SDK1: variants seen among roughly 807,000 people sequenced by gnomAD.
SDK1 encodes sidekick cell adhesion molecule 1.
SDK1 carries 157 observed loss-of-function variants against 245.5 expected under a neutral mutation model. That is an observed-to-expected ratio of 0.64 (90% CI 0.56 to 0.73). The LOEUF (loss-of-function observed/expected upper bound fraction) is 0.73, where lower values mean the gene tolerates loss of function less well. Among genes scored for constraint, SDK1 ranks in the 30% least tolerant of loss-of-function variants. SDK1 has a pLI of 0.00. For synonymous variants in SDK1, 1,647 were observed against 1,278.5 expected (o/e 1.29, Z -6.15); for missense variants, 3,583 against 3,002.3 (o/e 1.19, Z -4.52).
chr7:3,488,645 A>G (rs1398933190), intron 1 of SDK1, among the ~76,000 whole-genome samples: 1 of 152,226 alleles, frequency 6.6e-6, no homozygotes, highest in Non-Finnish European at 1.5e-5. Context: ...CAGGTAATGA[A>G]AAACCAACTG....
chr7:3,394,002 T>C (rs1168114218), intron 1 of SDK1, among the ~76,000 whole-genome samples: 1 of 152,144 alleles, frequency 6.6e-6, no homozygotes, highest in Non-Finnish European at 1.5e-5. Flanking sequence ...TTTCCAGATA[T>C]TCAAAAGGAG....
chr7:3,494,443 A>C (rs1781959380), intron 1 of SDK1, among the ~76,000 whole-genome samples: 1 of 152,340 alleles, frequency 6.6e-6, no homozygotes, highest in East Asian at 1.9e-4. Context: ...AAGGGTATCA[A>C]CATTATGGGA....
intron 12 of SDK1, among the ~76,000 whole-genome samples, chr7:3,973,909 C>T (rs563260322): frequency 8.5e-5 from 13 of 152,048 alleles, no homozygotes; most frequent in African/African-American, 2.2e-4. Context: ...AGGCCAAGTG[C>T]GGTGACTCAG....
At chr7:3,975,328 G>T (rs953100321) in intron 13 of SDK1, among the ~76,000 whole-genome samples, 2 of 152,114 alleles carry the variant, frequency 1.3e-5, no homozygotes, top group Non-Finnish European at 2.9e-5. Flanking sequence ...CAAGGCAGTG[G>T]CCAGCTCCAG....
At chr7:3,584,050 G>C (rs1780603573) in intron 1 of SDK1, among the ~76,000 whole-genome samples, 1 of 152,174 alleles carries the variant, frequency 6.6e-6, no homozygotes, top group Non-Finnish European at 1.5e-5. Context: ...AGGGAGAAGT[G>C]TTTGAAGTTT....
At chr7:3,458,018 G>T (rs1454140344) in intron 1 of SDK1, among the ~76,000 whole-genome samples, 2 of 152,136 alleles carry the variant, frequency 1.3e-5, no homozygotes, top group African/African-American at 4.8e-5. Flanking sequence ...ATTGCCCTTT[G>T]CCTTATAGCC....
chr7:3,743,993 C>A (rs1779547019), intron 4 of SDK1, among the ~76,000 whole-genome samples: 1 of 152,160 alleles, frequency 6.6e-6, no homozygotes, highest in Non-Finnish European at 1.5e-5. Flanking sequence ...TAATCAACAG[C>A]TTGACTCACA....
At chr7:3,514,058 T>C (rs530094851) in intron 1 of SDK1, among the ~76,000 whole-genome samples, 16 of 152,296 alleles carry the variant, frequency 1.1e-4, no homozygotes, top group Admixed American at 8.5e-4. Context: ...GTTGATTCCA[T>C]GTCTGTACTG....
chr7:3,853,025 T>C (rs1780457022), intron 5 of SDK1, among the ~76,000 whole-genome samples: 1 of 151,986 alleles, frequency 6.6e-6, no homozygotes, highest in Admixed American at 6.6e-5. Context: ...TCAGTGTATA[T>C]AGTCATCCCT....
chr7:4,160,061 C>CA (rs1476864345), intron 31 of SDK1, among the ~76,000 whole-genome samples: 1 of 152,150 alleles, frequency 6.6e-6, no homozygotes, highest in Non-Finnish European at 1.5e-5. Flanking sequence ...AACCTGGAGG[C>CA]AAAAGCTACT....
chr7:4,251,037 G>A (rs904049353), intron 44 of SDK1, among the ~76,000 whole-genome samples: 1 of 152,132 alleles, frequency 6.6e-6, no homozygotes, highest in African/African-American at 2.4e-5. Context: ...GCAATATGTG[G>A]TTTTGTGATT....
chr7:3,542,709 C>A (rs906492822), intron 1 of SDK1, among the ~76,000 whole-genome samples: 3 of 152,116 alleles, frequency 2.0e-5, no homozygotes, highest in Admixed American at 6.5e-5. Context: ...TCTCTTTAAA[C>A]CTCTCTTAGA....
intron 22 of SDK1, among the ~76,000 whole-genome samples, chr7:4,086,859 A>C (rs1028035149): frequency 8.5e-5 from 13 of 152,082 alleles, no homozygotes; most frequent in Admixed American, 2.6e-4. Context: ...CCTTTTGCAT[A>C]GTCATTTTGT....
intron 34 of SDK1, among the ~76,000 whole-genome samples, chr7:4,178,193 G>A (rs956752080): frequency 7.2e-5 from 11 of 152,300 alleles, no homozygotes; most frequent in African/African-American, 2.6e-4. Flanking sequence ...CAGGGGTTGG[G>A]GACCCCTGTT....
At chr7:3,801,235 C>G (rs1779099058) in intron 4 of SDK1, among the ~76,000 whole-genome samples, 1 of 152,150 alleles carries the variant, frequency 6.6e-6, no homozygotes, top group South Asian at 2.1e-4. Flanking sequence ...TGTAATATTT[C>G]ATCAATATAA....
Position 4,145,784 on chromosome 7 carries a change from G to A in SDK1, c.4291G>A (p.Gly1431Ser), listed in dbSNP as rs773364962. ...CCACACCTTCACCACCGTGGAGGTC[G>A]GCGCCACAGTGAGGCAGTTCACAGC... is the stretch of plus-strand genomic sequence containing the variant. ...SPHTFTTVEV[G>S]ATVRQFTATD... Residue 1431 changes from glycine (G) to serine (S), a missense_variant, in exon 29 of 45, where the codon GGC becomes AGC. Transcript: ENST00000404826. The A allele has an allele frequency of 6.8e-6, 11 of 1,613,516 alleles. No homozygotes were observed. The highest frequency in any genetic ancestry group is 1.3e-5 in the African/African-American group (1 of 74,856).
chr7:3,533,067 T>C lies in SDK1; in HGVS notation c.299-86013T>C, dbSNP rs1434401470. Among the ~76,000 whole-genome samples, 6 of 152,212 alleles carry C rather than the reference T, an allele frequency of 3.9e-5. No individual in the cohort carries two copies. In the South Asian group the frequency reaches 8.3e-4, roughly 21 times the overall value. On this transcript the variant is annotated intron_variant, in intron 1 of 44. Transcript: ENST00000404826. ...TCCAATTATTCTATCAAATTATACA[T>C]GTATTAGATCAGAAAGAAAATGATT... is the stretch of plus-strand genomic sequence containing the variant.
chr7:4,079,736 C>A, intron 22 of SDK1, 152 bp downstream of exon 22: 1 of 1,074,510 alleles, frequency 9.3e-7, no homozygotes, highest in Non-Finnish European at 1.3e-6. Flanking sequence ...AGCCCAGATA[C>A]CAGGGCAGAA....
rs374147324 is a variant in SDK1 at position 4,012,139 on chromosome 7, T to C, written c.2324T>C (p.Ile775Thr). The C allele has an allele frequency of 2.5e-5, 39 of 1,577,800 alleles. No individual in the cohort carries two copies. In the South Asian group the frequency reaches 3.5e-4, roughly 14 times the overall value. The change falls in exon 16 of 45, where the codon ATA becomes ACA. Residue 775 changes from isoleucine to threonine, a missense_variant. Physicochemically the swap from Ile to Thr is moderately conservative, Grantham distance 89 (BLOSUM62 -1). Coordinates refer to ENST00000404826, the MANE Select transcript of SDK1 (RefSeq NM_152744.4). ...EEPPSAPPKNIVASGRTNQSI... is the reference protein window; with the variant it reads ...EEPPSAPPKNTVASGRTNQSI... The stretch of plus-strand genomic sequence containing the variant: ...CCACCCAGTGCTCCCCCGAAAAATA[T>C]AGTGGCCAGTGGGCGGACTAATCAG...
Sources: allele counts gnomAD v4.1 joint callset (sites outside exome capture counted in the v4.1 genomes callset), GRCh38; gene constraint gnomAD v4.1.1; transcripts MANE v1.5; gene names NCBI Gene and HGNC (gene_info 2026-07-23, HGNC 2026-07-21).